DNA2: variants seen among roughly 807,000 people sequenced by gnomAD.
The protein encoded by DNA2 is DNA replication helicase/nuclease 2.
In DNA2, 101 loss-of-function variants were observed where a neutral mutation model predicts 119.1. The observed-to-expected ratio is 0.85, with a 90% CI of 0.72 to 1.00. DNA2 has a LOEUF of 1.00. DNA2 is among the 50% of genes least tolerant of loss of function. The pLI, the probability that DNA2 is intolerant of heterozygous loss-of-function variation, is 0.00. For synonymous variants in DNA2, 366 were observed against 424.4 expected, an observed-to-expected ratio of 0.86 and a Z score of 1.69; for missense variants, 1,121 against 1,255.5, an observed-to-expected ratio of 0.89 and a Z score of 1.62.
intron 17 of DNA2, 139 bp from the exon 18 acceptor site, chr10:68,420,031 C>CA (rs2051644562): frequency 1.4e-6 from 1 of 696,362 alleles, no homozygotes; most frequent in South Asian, 2.0e-5. Flanking sequence ...AAAGAATCAA[C>CA]AAAAATGAAT....
At chr10:68,441,791 G>T (rs1321329225) in intron 9 of DNA2, among the ~76,000 whole-genome samples, 1 of 151,726 alleles carries the variant, frequency 6.6e-6, no homozygotes, top group African/African-American at 2.4e-5. Context: ...AAAAAAGCGA[G>T]TATTTAAAAA....
intron 5 of DNA2, among the ~76,000 whole-genome samples, chr10:68,451,416 G>A (rs1023309469): frequency 6.6e-6 from 1 of 152,104 alleles, no homozygotes; most frequent in African/African-American, 2.4e-5. Context: ...ACGAGAAGAG[G>A]TGGAAATAAC....
chr10:68,423,009 G>A (rs888924900), intron 14 of DNA2, 119 bp from the exon 15 acceptor site: 12 of 650,556 alleles, frequency 1.8e-5, no homozygotes, highest in East Asian at 5.9e-5. Flanking sequence ...GGAATCCTTC[G>A]ATATTATTTA....
At chr10:68,421,185 C>G (rs1022505761) in intron 17 of DNA2, among the ~76,000 whole-genome samples, 4 of 151,422 alleles carry the variant, frequency 2.6e-5, no homozygotes, top group Non-Finnish European at 5.9e-5. Context: ...ATCCACCCCC[C>G]TCGGCCTCCC....
At position 68,416,790 on chromosome 10, in the gene DNA2, C is replaced by A. The variant is rs1361708577; in HGVS notation, c.3033G>T (p.Leu1011=). 4 of 1,613,726 alleles carry A rather than the reference C, an allele frequency of 2.5e-6. No individual in the cohort carries two copies. Among genetic ancestry groups the A allele is most frequent in the Non-Finnish European group, 3.4e-6 (4 of 1,179,770 alleles). Residue 1011 remains leucine, a synonymous_variant, in exon 20 of 21, where the codon CTG becomes CTT. Transcript: ENST00000358410. ...NVAITRAKHK[L]ILLGCVPSLN... ...GTGAGGGCACACACCCCAGAAGAATCAGTTTATGTTTGGCTCTGGTTATAG... is the reference window on the plus strand; with the variant it reads ...GTGAGGGCACACACCCCAGAAGAATAAGTTTATGTTTGGCTCTGGTTATAG...
At chr10:68,437,506 C>G (rs922758867) in intron 9 of DNA2, among the ~76,000 whole-genome samples, 1 of 151,478 alleles carries the variant, frequency 6.6e-6, no homozygotes, top group Non-Finnish European at 1.5e-5. Flanking sequence ...AAAAATTAGC[C>G]AGGTGTGGTG....
intron 5 of DNA2, among the ~76,000 whole-genome samples, chr10:68,456,703 T>C (rs183080977): frequency 8.6e-5 from 13 of 151,326 alleles, no homozygotes; most frequent in Middle Eastern, 3.4e-3. Context: ...TGAGCCACCA[T>C]GCCCGGACCC....
At chr10:68,452,185 C>T (rs1277311687) in intron 5 of DNA2, among the ~76,000 whole-genome samples, 2 of 149,774 alleles carry the variant, frequency 1.3e-5, no homozygotes, top group Non-Finnish European at 3.0e-5. Context: ...TGGGCTCAAG[C>T]AATCCTTCTG....
chr10:68,460,167 C>T (rs1021666569), intron 4 of DNA2, among the ~76,000 whole-genome samples: 1 of 151,706 alleles, frequency 6.6e-6, no homozygotes, highest in Non-Finnish European at 1.5e-5. Flanking sequence ...AGTGTAGTAG[C>T]GCTATCTCGG....
intron 5 of DNA2, among the ~76,000 whole-genome samples, chr10:68,456,293 G>A (rs1000796368): frequency 6.6e-6 from 1 of 152,174 alleles, no homozygotes; most frequent in Non-Finnish European, 1.5e-5. Flanking sequence ...GGAGCCTGCT[G>A]TAGTTATACA....
Position 68,450,044 on chromosome 10 carries a change from A to C in DNA2, c.923T>G (p.Ile308Ser). 6.3e-7 allele frequency: 1 copy of C among 1,592,116 alleles called. No homozygotes were observed. The highest frequency in any genetic ancestry group is 8.6e-7 in the Non-Finnish European group (1 of 1,167,640). ...ELKTGKESNS[I>S]EHRSQVVLYT... is the part of the protein sequence containing the mutation. Reference sequence around the variant, plus strand: ...CATTTATACCTGACTACGGTGTTCAATAGAATTTGATTCTTTGCCAGTTTT... The same window carrying C: ...CATTTATACCTGACTACGGTGTTCACTAGAATTTGATTCTTTGCCAGTTTT... The change falls in exon 6 of 21, where the codon ATT (isoleucine) becomes AGT (serine). Residue 308 changes from isoleucine (I) to serine (S), a missense_variant. By Grantham distance (142) the Ile-to-Ser change is moderately radical (BLOSUM62 -2). Transcript: ENST00000358410.
At chr10:68,452,325 G>A (rs2052129751) in intron 5 of DNA2, among the ~76,000 whole-genome samples, 1 of 152,086 alleles carries the variant, frequency 6.6e-6, no homozygotes, top group Non-Finnish European at 1.5e-5. Context: ...CTCTTGTCTT[G>A]ATCTCCCAAA....
intron 2 of DNA2, 135 bp from the exon 3 acceptor site, chr10:68,468,441 T>TAA (rs953044590): frequency 3.8e-5 from 17 of 442,892 alleles, no homozygotes; most frequent in South Asian, 6.9e-5. Flanking sequence ...TCTGGGTCTT[T>TAA]AAAAAAAAAA....
At chr10:68,464,219 A>T (rs892879014) in intron 4 of DNA2, among the ~76,000 whole-genome samples, 6 of 152,196 alleles carry the variant, frequency 3.9e-5, no homozygotes, top group Non-Finnish European at 5.9e-5. Flanking sequence ...GGTAATATGT[A>T]TCAAAATTTT....
chr10:68,472,013 C>T (rs746767620), upstream of DNA2: 21 of 1,609,088 alleles, frequency 1.3e-5, no homozygotes, highest in Non-Finnish European at 1.8e-5. Context: ...TGCGCCAGGC[C>T]GCCCCTCCCG....
At position 68,431,873 on chromosome 10, in the gene DNA2, T is replaced by A. The variant is rs1433208116; in HGVS notation, c.1972A>T (p.Ile658Leu). ...AATAATAACCTTACGAGAGTACATATCGTAGTTGTTTTTCCTGTCCCAGGC... is the reference window on the plus strand; with the variant it reads ...AATAATAACCTTACGAGAGTACATAACGTAGTTGTTTTTCCTGTCCCAGGC... The part of the protein sequence containing the change: ...GMPGTGKTTT[I>L]CTLVRILYAC... Residue 658 changes from isoleucine to leucine, a missense_variant, in exon 13 of 21, where the codon ATA (isoleucine) becomes TTA (leucine). By Grantham distance (5) the Ile-to-Leu change is conservative (BLOSUM62 2). Transcript: ENST00000358410. 1 of 1,609,320 alleles carries A rather than the reference T, an allele frequency of 6.2e-7. No homozygotes were observed. The highest frequency in any genetic ancestry group is 1.7e-5 in the Admixed American group (1 of 59,836).
chr10:68,453,170 G>A (rs966575002), intron 5 of DNA2, among the ~76,000 whole-genome samples: 2 of 151,930 alleles, frequency 1.3e-5, no homozygotes, highest in Non-Finnish European at 2.9e-5. Context: ...CAAAGTGCTG[G>A]GATTACAGGC....
In DNA2 at chr10:68,442,770, TAGAG is replaced by T. The variant is rs2051986856; in HGVS notation, c.1415+143_1415+146del. ...GGAATGGTGCTCTTCTTAGAAACAA[TAGAG>T]AGCCATCTGCAGTTGTCATGAATAA... On this transcript the variant is annotated intron_variant, in intron 9 of 20. Coordinates refer to ENST00000358410, the MANE Select transcript of DNA2 (RefSeq NM_001080449.3). The T allele has an allele frequency of 6.1e-6, 4 of 655,934 alleles. No individual in the cohort carries two copies. The East Asian group carries it at 1.1e-4, about 18-fold the overall frequency. 40.6% of individuals were successfully genotyped at this position (655,934 alleles called of 1,614,324 possible).
At chr10:68,415,506 C>G (rs189076078) in intron 20 of DNA2, among the ~76,000 whole-genome samples, 509 of 152,158 alleles carry the variant, frequency 3.3e-3, no homozygotes, top group Admixed American at 5.8e-3. Flanking sequence ...GAACTCCCAA[C>G]CTCAGGTAGT....
Sources: gnomAD v4.1 joint callset for allele counts (sites outside exome capture counted in the v4.1 genomes callset) on GRCh38, gnomAD v4.1.1 for gene constraint, MANE v1.5 for transcripts, NCBI Gene and HGNC (gene_info 2026-07-23, HGNC 2026-07-21) for gene names.